HMGB1: variants seen among roughly 807,000 people sequenced by gnomAD.
The protein encoded by HMGB1 is high mobility group box 1.
For missense variants in HMGB1, 79 were observed against 253.5 expected (o/e 0.31, Z 4.67); for synonymous variants, 81 against 84.0 (o/e 0.96, Z 0.19).
At chr13:30,465,695 G>A in intron 1 of HMGB1, 101 bp downstream of exon 1, 1 of 535,154 alleles carries the variant, frequency 1.9e-6, no homozygotes, top group Non-Finnish European at 2.4e-6. Context: ...CCTTTGTGTG[G>A]ATCCTGACCC....
intron 1 of HMGB1, among the ~76,000 whole-genome samples, chr13:30,561,604 G>T (rs1027875566): frequency 6.6e-6 from 1 of 152,142 alleles, no homozygotes; most frequent in Non-Finnish European, 1.5e-5. Flanking sequence ...GATGACACTG[G>T]GTTGAAGACT....
At chr13:30,471,264 C>G (rs1886920218) in intron 1 of HMGB1, among the ~76,000 whole-genome samples, 1 of 152,182 alleles carries the variant, frequency 6.6e-6, no homozygotes, top group South Asian at 2.1e-4. Context: ...GCCAGCGCGC[C>G]TGGCCTATTT....
intron 1 of HMGB1, among the ~76,000 whole-genome samples, chr13:30,465,497 T>C (rs1886727222): frequency 6.7e-6 from 1 of 149,564 alleles, no homozygotes; most frequent in Admixed American, 6.6e-5. Flanking sequence ...ATTTTTTTAA[T>C]TAAAAAAAAA....
intron 1 of HMGB1, among the ~76,000 whole-genome samples, chr13:30,527,306 C>T (rs1465129045): frequency 6.6e-6 from 1 of 152,188 alleles, no homozygotes; most frequent in Non-Finnish European, 1.5e-5. Flanking sequence ...GAGAAGCTGG[C>T]CTGTCAGCTC....
chr13:30,555,842 C>T (rs1869662038), intron 1 of HMGB1, among the ~76,000 whole-genome samples: 1 of 152,172 alleles, frequency 6.6e-6, no homozygotes. Context: ...AAAACTGCTA[C>T]TCGTAACCAT....
intron 1 of HMGB1, among the ~76,000 whole-genome samples, chr13:30,597,865 C>T (rs564316899): frequency 6.6e-6 from 1 of 152,242 alleles, no homozygotes; most frequent in East Asian, 1.9e-4. Flanking sequence ...GTAGGGTTAA[C>T]AAGCCTCCTT....
chr13:30,536,445 G>A (rs2137492523), intron 1 of HMGB1, among the ~76,000 whole-genome samples: 1 of 152,252 alleles, frequency 6.6e-6, no homozygotes, highest in South Asian at 2.1e-4. Context: ...TGTCTCCTGG[G>A]TTCAAGTGAT....
In HMGB1 at chr13:30,522,915, T is replaced by C. The variant is rs572818986; in HGVS notation, c.-14-59221A>G. Among the ~76,000 whole-genome samples, 84 of 152,196 alleles carry C rather than the reference T, an allele frequency of 5.5e-4. 2 individuals carry two copies. In the South Asian group the frequency reaches 0.013, roughly 23 times the overall value. On this transcript the variant is annotated intron_variant, in intron 1 of 4. Transcript: ENST00000405805. Reference sequence around the variant, plus strand: ...ATTTTTAGTAGACAGGGTTTCGCCATACTGCCCAGGGTGGTCTAGAATTCC... The same window carrying C: ...ATTTTTAGTAGACAGGGTTTCGCCACACTGCCCAGGGTGGTCTAGAATTCC...
chr13:30,571,850 C>A (rs889697629), intron 1 of HMGB1, among the ~76,000 whole-genome samples: 4 of 151,940 alleles, frequency 2.6e-5, no homozygotes, highest in African/African-American at 7.3e-5. Flanking sequence ...ATAATATTTA[C>A]GTTCCTACAC....
At chr13:30,538,957 C>A (rs1261680869) in intron 1 of HMGB1, among the ~76,000 whole-genome samples, 1 of 152,024 alleles carries the variant, frequency 6.6e-6, no homozygotes, top group Non-Finnish European at 1.5e-5. Flanking sequence ...AGTGCAACGG[C>A]ACGATCTCGG....
At chr13:30,505,381 T>C (rs1436661034) in intron 1 of HMGB1, among the ~76,000 whole-genome samples, 3 of 152,148 alleles carry the variant, frequency 2.0e-5, no homozygotes, top group South Asian at 2.1e-4. Flanking sequence ...GGTTTCACCG[T>C]GTTAGCCAGG....
intron 1 of HMGB1, among the ~76,000 whole-genome samples, chr13:30,603,880 C>T (rs1352608492): frequency 1.3e-5 from 2 of 152,102 alleles, no homozygotes; most frequent in East Asian, 1.9e-4. Context: ...AAAAAGTCCA[C>T]GCGTGTTCAG....
intron 1 of HMGB1, among the ~76,000 whole-genome samples, chr13:30,523,116 C>T (rs1006848260): frequency 4.6e-5 from 7 of 152,198 alleles, no homozygotes; most frequent in African/African-American, 1.7e-4. Flanking sequence ...GTAGTTATAA[C>T]ATTGGGGAAG....
At chr13:30,462,330 T>C in intron 4 of HMGB1, 1 of 612,774 alleles carries the variant, frequency 1.6e-6, no homozygotes, top group Non-Finnish European at 3.0e-6. Flanking sequence ...AACATAAATG[T>C]ACACAGCCTT....
In HMGB1 at chr13:30,460,552, T is replaced by C. The variant is rs1278378755; in HGVS notation, c.*805A>G. The C allele has an allele frequency of 6.6e-6, 1 of 152,424 alleles. No individual in the cohort carries two copies. Among genetic ancestry groups the C allele is most frequent in the Non-Finnish European group, 1.5e-5 (1 of 67,956 alleles). The allele number at this position is 152,424 out of a possible 1,614,324, so 9.4% of individuals were successfully genotyped here. ...GAGTCCTCATGTAAAGGTTAGAACA[T>C]ACTTTTCTATTAGTCCTTCAAGGAC... On this transcript the variant is annotated 3_prime_UTR_variant, in exon 5 of 5. Transcript: ENST00000341423.
chr13:30,484,019 G>T (rs1887301266), intron 1 of HMGB1, among the ~76,000 whole-genome samples: 1 of 152,150 alleles, frequency 6.6e-6, no homozygotes, highest in Non-Finnish European at 1.5e-5. Flanking sequence ...GGAGGTCCTG[G>T]GATGGTCATG....
Position 30,566,313 on chromosome 13 carries a change from C to G in HMGB1, c.-15+50358G>C, listed in dbSNP as rs568768800. Among the ~76,000 whole-genome samples the G allele has an allele frequency of 4.6e-5, 7 of 152,264 alleles. No individual in the cohort carries two copies. The South Asian group carries it at 1.5e-3, about 32-fold the overall frequency. On this transcript the variant is annotated intron_variant, in intron 1 of 4. Coordinates refer to the HMGB1 transcript ENST00000405805. ...CAAACACATGCTCTACAGCAGTGGT[C>G]GGCAAACTTTTTCTGTAAGGGGCCA...
chr13:30,569,365 C>G (rs1170229847), intron 1 of HMGB1, among the ~76,000 whole-genome samples: 4 of 152,054 alleles, frequency 2.6e-5, no homozygotes, highest in African/African-American at 9.7e-5. Context: ...TATATCCTGT[C>G]AAAAAAGTGA....
chr13:30,523,741 C>CCT (rs61494475), intron 1 of HMGB1, among the ~76,000 whole-genome samples: 1,496 of 88,840 alleles, frequency 0.017, 17 homozygotes, highest in African/African-American at 0.032. Flanking sequence ...TTGTTGGGCC[C>CCT]TTTTTTTTTG....
Sources: allele counts gnomAD v4.1 joint callset (sites outside exome capture counted in the v4.1 genomes callset), GRCh38; gene constraint gnomAD v4.1.1; transcripts MANE v1.5; gene names NCBI Gene and HGNC (gene_info 2026-07-23, HGNC 2026-07-21).